The following EVL variants were observed in gnomAD, a reference collection of about 807,000 sequenced individuals.
EVL encodes the protein Enah/Vasp-like, also known as ena/VASP-like protein.
A neutral mutation model predicts 59.6 loss-of-function variants in EVL; 21 were observed. That is an observed-to-expected ratio of 0.35 (90% CI 0.25 to 0.51). The LOEUF (loss-of-function observed/expected upper bound fraction) is 0.51, where lower values mean the gene tolerates loss of function less well. Among genes scored for constraint, EVL ranks in the 20% least tolerant of loss-of-function variants. The pLI, the probability that EVL is intolerant of heterozygous loss-of-function variation, is 0.97. For synonymous variants in EVL, 198 were observed against 203.5 expected (o/e 0.97, Z 0.23); for missense variants, 462 against 546.6 (o/e 0.85, Z 1.54).
intron 7 of EVL, among the ~76,000 whole-genome samples, chr14:100,132,324 G>C (rs980114589): frequency 2.0e-5 from 3 of 151,526 alleles, no homozygotes; most frequent in Non-Finnish European, 4.4e-5. Context: ...CCAGTGTCCC[G>C]ACCTGTGGGA....
chr14:100,018,440 G>A (rs2061069854), intron 1 of EVL, among the ~76,000 whole-genome samples: 1 of 152,238 alleles, frequency 6.6e-6, no homozygotes, highest in Non-Finnish European at 1.5e-5. Context: ...GAAGAGGCGT[G>A]AAAGACTTTA....
chr14:100,130,073 GA>G lies in EVL; in HGVS notation c.839+391del, dbSNP rs146736649. 8.9e-4 allele frequency among the ~76,000 whole-genome samples: 135 copies of G among 152,396 alleles called. No individual in the cohort carries two copies. The highest frequency in any genetic ancestry group is 3.1e-3 in the African/African-American group (131 of 41,600). ...TCGAGTTTGCAGAGGACACTCTGGTGAATGTGTGGTGAAGGCACCCCATTCT... is the reference window on the plus strand; with the variant it reads ...TCGAGTTTGCAGAGGACACTCTGGTGATGTGTGGTGAAGGCACCCCATTCT... On this transcript the variant is annotated intron_variant, in intron 7 of 13. Coordinates refer to ENST00000392920, the MANE Select transcript of EVL (RefSeq NM_016337.3). The surrounding 1 kb of genome is among the most constrained non-coding windows in gnomAD (Gnocchi z 4.8).
At chr14:100,035,396 T>C (rs1262258071) in intron 1 of EVL, among the ~76,000 whole-genome samples, 4 of 147,540 alleles carry the variant, frequency 2.7e-5, no homozygotes, top group African/African-American at 7.4e-5. Context: ...TGTTTTCTCT[T>C]TTTTTTTTTT....
upstream of EVL, among the ~76,000 whole-genome samples, chr14:100,060,465 T>G (rs143207466): frequency 3.6e-4 from 55 of 151,268 alleles, 2 homozygotes; most frequent in African/African-American, 1.3e-3. Context: ...CAGTGAAAAT[T>G]CTACTACTGG....
intron 1 of EVL, among the ~76,000 whole-genome samples, chr14:100,032,621 T>C (rs2061331046): frequency 6.6e-6 from 1 of 152,162 alleles, no homozygotes; most frequent in South Asian, 2.1e-4. Flanking sequence ...AATGATTTAG[T>C]CTGGATCTGC....
In EVL at chr14:100,130,663, C is replaced by T. The variant is rs1045207784; in HGVS notation, c.839+979C>T. On this transcript the variant is annotated intron_variant, in intron 7 of 13. Coordinates refer to ENST00000392920, the MANE Select transcript of EVL (RefSeq NM_016337.3). The surrounding 1 kb of genome is among the most constrained non-coding windows in gnomAD (Gnocchi z 4.8). The stretch of plus-strand genomic sequence containing the variant: ...TTCCCGTGGCTCCATGAGGATGATG[C>T]GAGATGACAGAGGCCCACAGCTGCA... Among the ~76,000 whole-genome samples, 4 of 152,158 alleles carry T rather than the reference C, an allele frequency of 2.6e-5. No individual in the cohort carries two copies. Among genetic ancestry groups the T allele is most frequent in the African/African-American group, 2.4e-5 (1 of 41,428 alleles).
chr14:100,104,633 C>G (rs1365283084), intron 3 of EVL, among the ~76,000 whole-genome samples: 1 of 152,114 alleles, frequency 6.6e-6, no homozygotes, highest in East Asian at 1.9e-4. Flanking sequence ...GCAAAGCTCC[C>G]GTTATGATGG....
chr14:100,041,288 G>A (rs933028685), intron 1 of EVL, among the ~76,000 whole-genome samples: 1 of 152,188 alleles, frequency 6.6e-6, no homozygotes, highest in African/African-American at 2.4e-5. Context: ...CCTGTTACAA[G>A]CCATGAGATG....
chr14:100,004,676 A>C (rs1005735489), intron 1 of EVL, among the ~76,000 whole-genome samples: 2 of 152,168 alleles, frequency 1.3e-5, no homozygotes, highest in Non-Finnish European at 2.9e-5. Flanking sequence ...TGCACTTACC[A>C]TTCAAGATTG....
intron 1 of EVL, among the ~76,000 whole-genome samples, chr14:100,073,511 A>G (rs1035393312): frequency 1.3e-5 from 2 of 151,804 alleles, no homozygotes; most frequent in African/African-American, 4.8e-5. Flanking sequence ...TTGTGTAGAG[A>G]CAGGATCTGT....
chr14:100,050,412 C>T (rs1020651009), intron 1 of EVL, among the ~76,000 whole-genome samples: 4 of 150,236 alleles, frequency 2.7e-5, no homozygotes, highest in African/African-American at 4.9e-5. Context: ...TGCAGTGGCG[C>T]GATCTCGGCT....
intron 3 of EVL, among the ~76,000 whole-genome samples, chr14:100,119,335 G>A (rs139238668): frequency 6.6e-6 from 1 of 152,180 alleles, no homozygotes; most frequent in Non-Finnish European, 1.5e-5. Context: ...CAGGTGAATG[G>A]GCCAGGCCCC....
intron 1 of EVL, among the ~76,000 whole-genome samples, chr14:99,987,613 A>C (rs1415820791): frequency 2.0e-5 from 3 of 152,176 alleles, no homozygotes; most frequent in Non-Finnish European, 4.4e-5. Context: ...CTGCACTCCA[A>C]CCTGTGTGAC....
chr14:100,060,449 C>T (rs1004057600), upstream of EVL, among the ~76,000 whole-genome samples: 1 of 145,246 alleles, frequency 6.9e-6, no homozygotes, highest in Non-Finnish European at 1.5e-5. Context: ...AAAAAAAAAA[C>T]TTGCCCAGTG....
At chr14:100,006,854 A>G (rs920536634) in intron 1 of EVL, among the ~76,000 whole-genome samples, 2 of 151,378 alleles carry the variant, frequency 1.3e-5, no homozygotes, top group African/African-American at 2.4e-5. Flanking sequence ...TAAACTTTAA[A>G]TCTCATCCAG....
intron 1 of EVL, among the ~76,000 whole-genome samples, chr14:99,981,716 C>T (rs1039321876): frequency 2.6e-5 from 4 of 152,186 alleles, no homozygotes; most frequent in African/African-American, 9.7e-5. Flanking sequence ...TGCAGTAGCA[C>T]TATGTCTAGA....
rs1001646967 is a variant in EVL, at chr14:100,054,951, C to T, written c.6-29736C>T. On this transcript the variant is annotated intron_variant, in intron 1 of 13. Transcript: ENST00000402714. ...GCATGGTGGCTCATGTCTGTAATCCCAGCACTTTGGGAGGCCAAGGTGGGC... is the reference window on the plus strand; with the variant it reads ...GCATGGTGGCTCATGTCTGTAATCCTAGCACTTTGGGAGGCCAAGGTGGGC... Among the ~76,000 whole-genome samples, 17 of 152,248 alleles carry T rather than the reference C, an allele frequency of 1.1e-4. No individual in the cohort carries two copies. The South Asian group carries it at 1.5e-3, about 13-fold the overall frequency.
At chr14:100,033,269 C>T (rs1050437693) in intron 1 of EVL, among the ~76,000 whole-genome samples, 26 of 152,216 alleles carry the variant, frequency 1.7e-4, no homozygotes, top group African/African-American at 6.3e-4. Flanking sequence ...CCTATACAAA[C>T]AAGGTAACAC....
At chr14:100,012,081 C>T (rs2061020074) in intron 1 of EVL, among the ~76,000 whole-genome samples, 1 of 152,130 alleles carries the variant, frequency 6.6e-6, no homozygotes, top group Non-Finnish European at 1.5e-5. Flanking sequence ...ATTCACTCTC[C>T]AGGTACATTC....
Sources: allele counts gnomAD v4.1 joint callset (sites outside exome capture counted in the v4.1 genomes callset), GRCh38; gene constraint gnomAD v4.1.1; non-coding constraint Gnocchi (gnomAD v3.1); transcripts MANE v1.5; gene names NCBI Gene and HGNC (gene_info 2026-07-23, HGNC 2026-07-21).